The following DTNA variants were observed in gnomAD, a reference collection of about 807,000 sequenced individuals.
DTNA encodes the protein dystrobrevin alpha, also known as dystrophin-related protein 3.
Under a neutral mutation model 100.7 loss-of-function variants are expected in DTNA, and 43 were observed. The observed-to-expected ratio is 0.43, with a 90% CI of 0.33 to 0.55. The LOEUF is 0.55. Ranked by LOEUF, DTNA falls within the 20% of genes least tolerant of loss-of-function variation. The pLI is 0.04. For missense variants in DTNA, 798 were observed against 953.9 expected, an observed-to-expected ratio of 0.84 and a Z score of 2.15; for synonymous variants, 349 against 347.9, an observed-to-expected ratio of 1.00 and a Z score of -0.04.
intron 1 of DTNA, among the ~76,000 whole-genome samples, chr18:34,692,608 A>G (rs1367970475): frequency 6.6e-6 from 1 of 152,214 alleles, no homozygotes; most frequent in African/African-American, 2.4e-5. Flanking sequence ...AACTGCACAG[A>G]TCTTTACTCA....
At position 34,794,027 on chromosome 18, in the gene DTNA, T is replaced by A; in HGVS notation, c.149-10T>A. 2 of 1,613,348 alleles carry A rather than the reference T, an allele frequency of 1.2e-6. No homozygotes were observed. The highest frequency in any genetic ancestry group is 1.7e-6 in the Non-Finnish European group (2 of 1,179,666). ...TTTGGGCTGATGTGTTAACTCTGCT[T>A]TAATTGTAGTGCACCTGGTGGACAT... On this transcript the variant is annotated splice_polypyrimidine_tract_variant and intron_variant, in intron 3 of 22. Transcript: ENST00000444659.
intron 21 of DTNA, among the ~76,000 whole-genome samples, chr18:34,882,436 T>G (rs2096881992): frequency 6.6e-6 from 1 of 152,160 alleles, no homozygotes; most frequent in South Asian, 2.1e-4. Flanking sequence ...TGGTGTGATC[T>G]TGGCTCACTG....
intron 1 of DTNA, among the ~76,000 whole-genome samples, chr18:34,564,434 G>A (rs2046912797): frequency 6.6e-6 from 1 of 152,232 alleles, no homozygotes. Flanking sequence ...GTGAGCCACA[G>A]CACCTGGCCC....
In DTNA at chr18:34,833,645, A is replaced by G. The variant is rs72952318; in HGVS notation, c.1175+4156A>G. 1.4e-3 allele frequency among the ~76,000 whole-genome samples: 217 copies of G among 152,322 alleles called. 1 individual carries two copies. The highest frequency in any genetic ancestry group is 2.3e-3 in the Non-Finnish European group (158 of 68,024). The stretch of plus-strand genomic sequence containing the variant: ...GCTGTTCCCACAACCATCAGTGATA[A>G]TATGTATGTGAAAGGATGTGCTCAT... On this transcript the variant is annotated intron_variant, in intron 11 of 22. Transcript: ENST00000444659.
intron 1 of DTNA, among the ~76,000 whole-genome samples, chr18:34,584,256 TA>T (rs34680061): frequency 0.1 from 15,659 of 152,088 alleles, 1,168 homozygotes; most frequent in African/African-American, 0.21. Context: ...AGCAGACAGC[TA>T]AAGAATACCA....
chr18:34,525,145 G>C (rs2042493744), intron 1 of DTNA, among the ~76,000 whole-genome samples: 1 of 152,076 alleles, frequency 6.6e-6, no homozygotes, highest in Non-Finnish European at 1.5e-5. Flanking sequence ...GTTCTTTGTT[G>C]TTCAACCTTG....
At chr18:34,814,316 A>T (rs1028081814) in intron 6 of DTNA, among the ~76,000 whole-genome samples, 1 of 152,194 alleles carries the variant, frequency 6.6e-6, no homozygotes, top group African/African-American at 2.4e-5. Context: ...AATAATTGGT[A>T]AATGTGCTAA....
intron 4 of DTNA, among the ~76,000 whole-genome samples, chr18:34,802,818 C>A (rs1004598333): frequency 6.6e-6 from 1 of 152,094 alleles, no homozygotes; most frequent in Non-Finnish European, 1.5e-5. Flanking sequence ...GGGACTTTTT[C>A]ATCACAAATT....
chr18:34,806,551 GA>G (rs1461495318), intron 5 of DTNA, among the ~76,000 whole-genome samples: 1 of 152,134 alleles, frequency 6.6e-6, no homozygotes, highest in Admixed American at 6.6e-5. Flanking sequence ...GCCTCTTTCT[GA>G]AATTAAAGTA....
At chr18:34,654,675 G>T (rs753168784) in intron 1 of DTNA, among the ~76,000 whole-genome samples, 16 of 152,110 alleles carry the variant, frequency 1.1e-4, no homozygotes, top group Non-Finnish European at 1.6e-4. Flanking sequence ...TTCCATGTGG[G>T]ATAATCTATG....
intron 1 of DTNA, among the ~76,000 whole-genome samples, chr18:34,663,240 A>AC (rs1332633162): frequency 2.0e-5 from 3 of 152,130 alleles, no homozygotes; most frequent in Admixed American, 6.6e-5. Flanking sequence ...TGCAGCCTTG[A>AC]CCCCGTGGGC....
intron 1 of DTNA, among the ~76,000 whole-genome samples, chr18:34,671,793 A>G (rs2076793204): frequency 6.6e-6 from 1 of 151,984 alleles, no homozygotes; most frequent in Admixed American, 6.6e-5. Flanking sequence ...ACTTTACATC[A>G]TAGTATCAAC....
chr18:34,719,168 A>C (rs1285693025), intron 1 of DTNA, among the ~76,000 whole-genome samples: 1 of 151,876 alleles, frequency 6.6e-6, no homozygotes, highest in Non-Finnish European at 1.5e-5. Context: ...CGTCTCTACT[A>C]AAAATACAAA....
At chr18:34,574,298 A>C in intron 1 of DTNA, 1 of 152,694 alleles carries the variant, frequency 6.5e-6, no homozygotes, top group East Asian at 1.9e-4. Flanking sequence ...TGAGACTCCA[A>C]GGCCAAATGG....
At chr18:34,765,649 A>G (rs1432304460) in intron 2 of DTNA, among the ~76,000 whole-genome samples, 1 of 152,196 alleles carries the variant, frequency 6.6e-6, no homozygotes, top group Non-Finnish European at 1.5e-5. Flanking sequence ...GTTTCACTGT[A>G]GGTCACAGCT....
chr18:34,802,759 A>G (rs758443290), intron 4 of DTNA, among the ~76,000 whole-genome samples: 6 of 152,238 alleles, frequency 3.9e-5, no homozygotes, highest in Non-Finnish European at 8.8e-5. Context: ...CTTCAGAAAC[A>G]TAATTTTTTT....
At chr18:34,817,919 C>A in intron 7 of DTNA, 1 of 1,341,540 alleles carries the variant, frequency 7.5e-7, no homozygotes, top group African/African-American at 1.5e-5. Flanking sequence ...AATGGCATTA[C>A]AGAGATTTTT....
intron 1 of DTNA, among the ~76,000 whole-genome samples, chr18:34,742,854 C>T (rs557642718): frequency 2.3e-4 from 35 of 152,180 alleles, no homozygotes; most frequent in African/African-American, 7.9e-4. Context: ...ATTGTTATGA[C>T]ATTCAATGAA....
At chr18:34,876,075 C>A (rs1005932840) in intron 18 of DTNA, among the ~76,000 whole-genome samples, 2 of 152,170 alleles carry the variant, frequency 1.3e-5, no homozygotes, top group Non-Finnish European at 2.9e-5. Context: ...CCTTCACCGG[C>A]AGCTTTCATT....
Sources: gnomAD v4.1 joint callset for allele counts (sites outside exome capture counted in the v4.1 genomes callset) on GRCh38, gnomAD v4.1.1 for gene constraint, MANE v1.5 for transcripts, NCBI Gene and HGNC (gene_info 2026-07-23, HGNC 2026-07-21) for gene names.